The following SDK1 variants were observed in gnomAD, a reference collection of about 807,000 sequenced individuals.
SDK1 encodes sidekick cell adhesion molecule 1.
In SDK1, 157 loss-of-function variants were observed where a neutral mutation model predicts 245.5. The observed-to-expected ratio is 0.64, with a 90% CI of 0.56 to 0.73. The LOEUF is 0.73. Among genes scored for constraint, SDK1 ranks in the 30% least tolerant of loss-of-function variants. SDK1 has a pLI of 0.00. For synonymous variants in SDK1, 1,647 were observed against 1,278.5 expected (o/e 1.29, Z -6.15); for missense variants, 3,583 against 3,002.3 (o/e 1.19, Z -4.52).
At position 3,918,406 on chromosome 7, in the gene SDK1, C is replaced by T. The variant is rs967524950; in HGVS notation, c.848-32517C>T. Among the ~76,000 whole-genome samples, 8 of 152,250 alleles carry T rather than the reference C, an allele frequency of 5.3e-5. No individual in the cohort carries two copies. The South Asian group carries it at 1.7e-3, about 32-fold the overall frequency. ...ATTAGATTCTCGTAATAGCACGAAC[C>T]CTATTGTGAGCTGTGCCCGCGAGGC... On this transcript the variant is annotated intron_variant, in intron 5 of 44. Transcript: ENST00000404826.
At chr7:3,516,242 A>C (rs1182751978) in intron 1 of SDK1, among the ~76,000 whole-genome samples, 2 of 151,796 alleles carry the variant, frequency 1.3e-5, no homozygotes, top group African/African-American at 4.8e-5. Context: ...TGTGATATAT[A>C]CATAGTATGT....
chr7:3,457,855 A>G (rs1273031952), intron 1 of SDK1, among the ~76,000 whole-genome samples: 2 of 152,040 alleles, frequency 1.3e-5, no homozygotes, highest in South Asian at 2.1e-4. Flanking sequence ...TTACTTGTTT[A>G]TTGGAGCACA....
At chr7:4,048,856 C>A (rs1176505706) in intron 17 of SDK1, among the ~76,000 whole-genome samples, 1 of 152,184 alleles carries the variant, frequency 6.6e-6, no homozygotes, top group East Asian at 1.9e-4. Context: ...CGTTGACAGA[C>A]AAAGAGAAAT....
At chr7:3,625,874 G>T (rs1400466615) in intron 2 of SDK1, among the ~76,000 whole-genome samples, 1 of 151,800 alleles carries the variant, frequency 6.6e-6, no homozygotes, top group African/African-American at 2.4e-5. Context: ...CTGCCTGGAA[G>T]TGTTGACCAC....
chr7:4,143,814 A>C (rs638179), intron 28 of SDK1, among the ~76,000 whole-genome samples: 120,346 of 152,150 alleles, frequency 0.79, 48,058 homozygotes, highest in African/African-American at 0.91. Context: ...CTGGGGACCC[A>C]TCTTGGAGCT....
intron 14 of SDK1, among the ~76,000 whole-genome samples, chr7:3,992,007 A>C (rs1027762235): frequency 1.3e-5 from 2 of 152,226 alleles, no homozygotes; most frequent in African/African-American, 4.8e-5. Flanking sequence ...CAGCGTGTGC[A>C]AGTGGTCAGC....
intron 5 of SDK1, among the ~76,000 whole-genome samples, chr7:3,905,218 T>A (rs915693301): frequency 6.6e-6 from 1 of 152,184 alleles, no homozygotes; most frequent in East Asian, 1.9e-4. Context: ...GTGTTTGTTA[T>A]ACCACGGTTT....
At chr7:3,443,205 C>T (rs893099909) in intron 1 of SDK1, among the ~76,000 whole-genome samples, 1 of 151,966 alleles carries the variant, frequency 6.6e-6, no homozygotes, top group Admixed American at 6.6e-5. Flanking sequence ...AAAAACTTAA[C>T]CTTGTGGTAG....
intron 17 of SDK1, among the ~76,000 whole-genome samples, chr7:4,032,065 A>C (rs1787863667): frequency 6.6e-6 from 1 of 151,786 alleles, no homozygotes; most frequent in South Asian, 2.1e-4. Flanking sequence ...AGATAGATCG[A>C]TCGATCGATC....
chr7:3,361,978 C>G (rs555048847), intron 1 of SDK1, among the ~76,000 whole-genome samples: 8 of 152,162 alleles, frequency 5.3e-5, no homozygotes, highest in Non-Finnish European at 5.9e-5. Flanking sequence ...TGAGTTATGT[C>G]TTGGTACCAC....
chr7:3,464,300 C>T (rs1405634659), intron 1 of SDK1, among the ~76,000 whole-genome samples: 1 of 152,092 alleles, frequency 6.6e-6, no homozygotes, highest in Non-Finnish European at 1.5e-5. Context: ...AAGGCGGGAA[C>T]ATTGCTTGAG....
At chr7:3,570,602 T>C (rs914692918) in intron 1 of SDK1, among the ~76,000 whole-genome samples, 1 of 152,214 alleles carries the variant, frequency 6.6e-6, no homozygotes, top group African/African-American at 2.4e-5. Flanking sequence ...TTCTGTCTTA[T>C]CTGGAAATAC....
chr7:3,814,501 T>C (rs1779460580), intron 4 of SDK1, among the ~76,000 whole-genome samples: 1 of 151,906 alleles, frequency 6.6e-6, no homozygotes, highest in Non-Finnish European at 1.5e-5. Flanking sequence ...TACCATGCTG[T>C]TTTGGTTACT....
intron 44 of SDK1, among the ~76,000 whole-genome samples, chr7:4,250,550 G>A (rs939831603): frequency 2.6e-5 from 4 of 152,032 alleles, no homozygotes; most frequent in African/African-American, 9.7e-5. Flanking sequence ...TTGCCATATT[G>A]GCCAGGCTGG....
intron 14 of SDK1, among the ~76,000 whole-genome samples, chr7:4,005,393 A>AGAGTGTGTGT (rs756210975): frequency 9.2e-5 from 12 of 129,818 alleles, no homozygotes; most frequent in African/African-American, 2.7e-4. Context: ...TTCTTATGTG[A>AGAGTGTGTGT]GTGTGTGTGT....
chr7:4,233,156 A>C, intron 40 of SDK1, 99 bp from the exon 41 acceptor site: 1 of 1,155,018 alleles, frequency 8.7e-7, no homozygotes, highest in Non-Finnish European at 1.3e-6. Context: ...TGCCTCATCC[A>C]GGGCTGCTGC....
intron 17 of SDK1, among the ~76,000 whole-genome samples, chr7:4,037,745 C>G (rs189274687): frequency 3.3e-5 from 5 of 152,304 alleles, no homozygotes; most frequent in Non-Finnish European, 5.9e-5. Context: ...CTGATAACAT[C>G]ACTTAATGAG....
At chr7:4,231,582 AAAAG>A (rs1165327772) in intron 40 of SDK1, among the ~76,000 whole-genome samples, 20 of 151,840 alleles carry the variant, frequency 1.3e-4, no homozygotes, top group Admixed American at 3.9e-4. Context: ...TCAAAAAAAA[AAAAG>A]AAAGGAAGAA....
At chr7:3,498,612 C>G (rs897665841) in intron 1 of SDK1, among the ~76,000 whole-genome samples, 27 of 152,176 alleles carry the variant, frequency 1.8e-4, no homozygotes, top group African/African-American at 6.3e-4. Context: ...TTCCATCTGT[C>G]GGCTTCCTCT....
Sources: allele counts gnomAD v4.1 joint callset (sites outside exome capture counted in the v4.1 genomes callset), GRCh38; gene constraint gnomAD v4.1.1; transcripts MANE v1.5; gene names NCBI Gene and HGNC (gene_info 2026-07-23, HGNC 2026-07-21).